MYH11: variants seen among roughly 807,000 people sequenced by gnomAD.
The protein encoded by MYH11 is myosin-11.
In MYH11, 80 loss-of-function variants were observed where a neutral mutation model predicts 246.6. The ratio of observed to expected loss-of-function variants is 0.32; its 90% CI spans 0.27 to 0.39. MYH11 has a LOEUF of 0.39. Ranked by LOEUF, MYH11 falls within the 10% of genes least tolerant of loss-of-function variation. MYH11 has a pLI of 1.00. For synonymous variants in MYH11, 1,071 were observed against 1,015.5 expected (o/e 1.05, Z -1.04); for missense variants, 2,158 against 2,546.8 (o/e 0.85, Z 3.29).
At chr16:15,840,558 CCT>C (rs1896589457) in intron 1 of MYH11, among the ~76,000 whole-genome samples, 1 of 152,070 alleles carries the variant, frequency 6.6e-6, no homozygotes, top group African/African-American at 2.4e-5. Context: ...ATAAGAAGCC[CCT>C]GTCTCTGTAA....
At chr16:15,818,123 ATG>A (rs1357492718) in intron 3 of MYH11, among the ~76,000 whole-genome samples, 1 of 152,184 alleles carries the variant, frequency 6.6e-6, no homozygotes, top group Non-Finnish European at 1.5e-5. Flanking sequence ...TATTCAGTGC[ATG>A]TGTGTTACCC....
intron 3 of MYH11, among the ~76,000 whole-genome samples, chr16:15,809,049 A>G (rs1300979341): frequency 1.3e-5 from 2 of 151,988 alleles, no homozygotes; most frequent in Non-Finnish European, 2.9e-5. Flanking sequence ...CATAGAACCT[A>G]TATCAAGTTC....
intron 27 of MYH11, among the ~76,000 whole-genome samples, chr16:15,729,026 C>G (rs1431008702): frequency 1.3e-5 from 2 of 152,072 alleles, no homozygotes; most frequent in Non-Finnish European, 2.9e-5. Flanking sequence ...TTCCCATAGT[C>G]CCTGGGAGGT....
In MYH11 at chr16:15,771,896, C is replaced by T. The variant is rs76618381; in HGVS notation, c.890-184G>A. Reference sequence around the variant, plus strand: ...ACCAACCACTGCCAGCCTTACACAGCGGTGCAGGTTGTGCACTGCTCCAGT... The same window carrying T: ...ACCAACCACTGCCAGCCTTACACAGTGGTGCAGGTTGTGCACTGCTCCAGT... On this transcript the variant is annotated intron_variant, in intron 8 of 40. Transcript: ENST00000300036. 6.8e-3 allele frequency among the ~76,000 whole-genome samples: 1,036 copies of T among 152,098 alleles called. 11 individuals are homozygous for T. Among genetic ancestry groups the T allele is most frequent in the African/African-American group, 0.024 (980 of 41,486 alleles).
At position 15,782,741 on chromosome 16, in the gene MYH11, A is replaced by G. The variant is rs74009427; in HGVS notation, c.634-264T>C. 1,547 of 472,500 alleles carry G rather than the reference A, an allele frequency of 3.3e-3. 22 individuals carry two copies. The highest frequency in any genetic ancestry group is 0.029 in the African/African-American group (1,458 of 50,946). The allele number at this position is 472,500 out of a possible 1,614,324, so 29.3% of individuals were successfully genotyped here. On this transcript the variant is annotated intron_variant, in intron 5 of 40. Transcript: ENST00000300036. ...ACCAGGGCCTGCTCATCTGTGCAACATCACTGCCACTCAAAGCCACTGCCT... is the reference window on the plus strand; with the variant it reads ...ACCAGGGCCTGCTCATCTGTGCAACGTCACTGCCACTCAAAGCCACTGCCT...
In MYH11 at chr16:15,746,126, A is replaced by G. The variant is rs575272080; in HGVS notation, c.2412-889T>C. Among the ~76,000 whole-genome samples, 7 of 149,168 alleles carry G rather than the reference A, an allele frequency of 4.7e-5. No homozygotes were observed. In the South Asian group the frequency reaches 1.5e-3, roughly 32 times the overall value. On this transcript the variant is annotated intron_variant, in intron 19 of 40. Transcript: ENST00000300036. ...TTTTGGTAGAGATAGGGGTCTCGCC[A>G]TGTTGCCCAGGCTGGTCTCAAACTC...
intron 36 of MYH11, chr16:15,718,696 T>C: frequency 5.3e-6 from 3 of 567,470 alleles, no homozygotes; most frequent in Non-Finnish European, 3.1e-6. Context: ...GGCCTCCCCT[T>C]CTCCCCACAC....
Position 15,748,092 on chromosome 16 carries a change from C to T in MYH11, c.2135G>A (p.Arg712Gln), listed in dbSNP as rs267606902. The change falls in exon 17 of 41, where the codon CGG becomes CAG. Residue 712 changes from arginine to glutamine, a missense_variant. Physicochemically the swap from Arg to Gln is conservative, Grantham distance 43. Coordinates refer to ENST00000300036, the MANE Select transcript of MYH11 (RefSeq NM_002474.3). ...GACGATCCGGTTGGGGAAGCCCTGC[C>T]GGCAGATGCGAATGCCTTCCAGCAC... is the stretch of plus-strand genomic sequence containing the variant. ...NGVLEGIRIC[R>Q]QGFPNRIVFQ... The T allele has an allele frequency of 6.2e-7, 1 of 1,614,164 alleles. No individual in the cohort carries two copies. The highest frequency in any genetic ancestry group is 8.5e-7 in the Non-Finnish European group (1 of 1,180,036).
chr16:15,824,758 A>T lies in MYH11; in HGVS notation c.346-1347T>A, dbSNP rs111648234. On this transcript the variant is annotated intron_variant, in intron 2 of 40. Transcript: ENST00000300036. ...CTCTCTCTCCTCCCACCACCCTCTG[A>T]TCTCTTTCTGGGACCTCCCAATGTC... is the stretch of plus-strand genomic sequence containing the variant. Among the ~76,000 whole-genome samples the T allele has an allele frequency of 7.4e-3, 1,120 of 152,258 alleles. 14 individuals carry two copies. Among genetic ancestry groups the T allele is most frequent in the African/African-American group, 0.025 (1,056 of 41,546 alleles).
At chr16:15,707,354 T>C (rs1320821661) in intron 40 of MYH11, among the ~76,000 whole-genome samples, 1 of 152,166 alleles carries the variant, frequency 6.6e-6, no homozygotes, top group African/African-American at 2.4e-5. Context: ...ATTCGTGGAC[T>C]CAGCTTATCC....
intron 3 of MYH11, among the ~76,000 whole-genome samples, chr16:15,808,308 A>T (rs2043060942): frequency 6.6e-6 from 1 of 152,174 alleles, no homozygotes; most frequent in African/African-American, 2.4e-5. Flanking sequence ...CACTGACCGA[A>T]TCACCCTTGT....
At chr16:15,716,850 C>T (rs1013258247) in intron 38 of MYH11, among the ~76,000 whole-genome samples, 1 of 152,172 alleles carries the variant, frequency 6.6e-6, no homozygotes, top group Non-Finnish European at 1.5e-5. Flanking sequence ...GCTATCCCTG[C>T]AGAGGCTGGG....
chr16:15,803,269 A>G (rs2042930743), intron 3 of MYH11, among the ~76,000 whole-genome samples: 1 of 142,952 alleles, frequency 7.0e-6, no homozygotes, highest in African/African-American at 2.8e-5. Flanking sequence ...AAAATGGGAA[A>G]CCAGTTTAAT....
intron 5 of MYH11, chr16:15,786,403 C>G (rs2042469734): frequency 1.4e-6 from 1 of 736,300 alleles, no homozygotes; most frequent in African/African-American, 1.7e-5. Context: ...ATTCTCATTT[C>G]ACAAAACGGG....
intron 37 of MYH11, chr16:15,718,108 C>G (rs1366245833): frequency 3.9e-6 from 3 of 762,406 alleles, no homozygotes; most frequent in South Asian, 1.8e-5. Flanking sequence ...AAATGAGACA[C>G]TGCAGCGTGG....
intron 27 of MYH11, among the ~76,000 whole-genome samples, chr16:15,731,346 G>A (rs975951986): frequency 4.6e-5 from 7 of 152,150 alleles, no homozygotes; most frequent in Admixed American, 2.0e-4. Context: ...CTTACCAGCA[G>A]TGTGACCTTG....
chr16:15,720,914 G>A lies in MYH11; in HGVS notation c.4716C>T (p.Leu1572=). 1.2e-6 allele frequency: 2 copies of A among 1,613,962 alleles called. No individual in the cohort carries two copies. The highest frequency in any genetic ancestry group is 1.7e-6 in the Non-Finnish European group (2 of 1,180,010). ...KLRLEVNMQA[L]KGQFERDLQA... is the part of the protein sequence containing the mutation. Reference sequence around the variant, plus strand: ...GGAGATCCCTTTCGAACTGGCCCTTGAGCGCCTGCATGTTGACTTCCAGCC... The same window carrying A: ...GGAGATCCCTTTCGAACTGGCCCTTAAGCGCCTGCATGTTGACTTCCAGCC... The change falls in exon 33 of 41, where the codon CTC becomes CTT. Residue 1572 remains leucine (L), a synonymous_variant. Transcript: ENST00000300036.
Position 15,709,787 on chromosome 16 carries a change from C to T in MYH11, c.5786+5122G>A, listed in dbSNP as rs968328030. On this transcript the variant is annotated intron_variant, in intron 40 of 40. Coordinates refer to ENST00000300036, the MANE Select transcript of MYH11 (RefSeq NM_002474.3). ...AAGTCCCAGGCAAGGAACCTGCAGC[C>T]GCCTGTCCCTTGGTTTATGATTACT... is the stretch of plus-strand genomic sequence containing the variant. 4.6e-5 allele frequency among the ~76,000 whole-genome samples: 7 copies of T among 152,262 alleles called. No individual in the cohort carries two copies. In the East Asian group the frequency reaches 7.7e-4, roughly 17 times the overall value.
At chr16:15,707,953 C>G (rs1470532918) in intron 40 of MYH11, among the ~76,000 whole-genome samples, 2 of 109,528 alleles carry the variant, frequency 1.8e-5, no homozygotes, top group Non-Finnish European at 3.7e-5. Context: ...GAGCGAGACT[C>G]CGTCTCAAAA....
Sources: gnomAD v4.1 joint callset for allele counts (sites outside exome capture counted in the v4.1 genomes callset) on GRCh38, gnomAD v4.1.1 for gene constraint, MANE v1.5 for transcripts, NCBI Gene and HGNC (gene_info 2026-07-23, HGNC 2026-07-21) for gene names.